DLGAP3: variants seen among roughly 807,000 people sequenced by gnomAD.
DLGAP3 encodes the protein DLG associated protein 3.
Under a neutral mutation model 81.2 loss-of-function variants are expected in DLGAP3, and 17 were observed. The observed-to-expected ratio is 0.21, with a 90% confidence interval of 0.14 to 0.31. The LOEUF (loss-of-function observed/expected upper bound fraction) is 0.31. DLGAP3 is among the 10% of genes least tolerant of loss of function. The pLI is 1.00. For missense variants in DLGAP3, 1,124 were observed against 1,388.0 expected (o/e 0.81, Z 3.02); for synonymous variants, 577 against 587.4 (o/e 0.98, Z 0.26).
In DLGAP3 at chr1:34,873,813, CTGGTTGGTTGGTTGGTTGGT is replaced by C. The variant is rs149504598; in HGVS notation, c.2001-4744_2001-4725del. 9.1e-4 allele frequency among the ~76,000 whole-genome samples: 138 copies of C among 151,110 alleles called. 1 individual carries two copies. Among genetic ancestry groups the C allele is most frequent in the Admixed American group, 2.2e-3 (34 of 15,184 alleles). On this transcript the variant is annotated intron_variant, in intron 8 of 11. Transcript: ENST00000373347. This position sits in a 1 kb window ranked among gnomAD's most constrained non-coding sequence, Gnocchi z 4.2. ...TCACTAAATAGGGCAGTTCATCACA[CTGGTTGGTTGGTTGGTTGGT>C]TGGTTGGTTGGTTGGTTGGAAGGAA...
At chr1:34,870,691 T>C (rs1485134901) in intron 8 of DLGAP3, among the ~76,000 whole-genome samples, 1 of 152,144 alleles carries the variant, frequency 6.6e-6, no homozygotes, top group Non-Finnish European at 1.5e-5. Context: ...CATATCCTCA[T>C]TGCCTCCCAC....
Position 34,905,405 on chromosome 1 carries a change from T to A in DLGAP3, c.-22A>T, listed in dbSNP as rs142723687. 9.7e-6 allele frequency: 15 copies of A among 1,545,758 alleles called. No individual in the cohort carries two copies. Among genetic ancestry groups the A allele is most frequent in the Non-Finnish European group, 1.3e-5 (15 of 1,144,528 alleles). On this transcript the variant is annotated 5_prime_UTR_variant, in exon 3 of 12. An upstream start codon of the reference 5' UTR is lost. Transcript: ENST00000373347. ...TCATGGCCTCAGCAAAGGCTCTTCA[T>A]AGTCTTGGGGGCCAGGCCCCAGGAA... is the stretch of plus-strand genomic sequence containing the variant.
At position 34,925,450 on chromosome 1, in the gene DLGAP3, C is replaced by T. The variant is rs753600473; in HGVS notation, c.-135+4001G>A. 5 of 152,682 alleles carry T rather than the reference C, an allele frequency of 3.3e-5. No homozygotes were observed. In the East Asian group the frequency reaches 9.7e-4, roughly 30 times the overall value. The allele number at this position is 152,682 out of a possible 1,614,324, so 9.5% of individuals were successfully genotyped here. A position where few individuals can be genotyped will look rare whatever the true frequency, so the allele number is the denominator to read the frequency against. On this transcript the variant is annotated intron_variant, in intron 1 of 11. Coordinates refer to ENST00000373347, the MANE Select transcript of DLGAP3 (RefSeq NM_001080418.3). Reference sequence around the variant, plus strand: ...GTAGCTCCCCACACCCTGTTCTGAGCCCCCTTTCTGAAGGAGCCAGCTCCC... The same window carrying T: ...GTAGCTCCCCACACCCTGTTCTGAGTCCCCTTTCTGAAGGAGCCAGCTCCC...
chr1:34,871,942 C>T (rs1205187709), intron 8 of DLGAP3, among the ~76,000 whole-genome samples: 2 of 152,164 alleles, frequency 1.3e-5, no homozygotes, highest in African/African-American at 4.8e-5. Flanking sequence ...AAGCACAGTC[C>T]TCACCAACGC....
At position 34,904,510 on chromosome 1, in the gene DLGAP3, G is replaced by C; in HGVS notation, c.874C>G (p.Pro292Ala). ...EPGGPFCLEG[P>A]DGSYRDLSFK... is the part of the protein sequence containing the mutation. ...CTCAAGTCCCGGTAGGACCCATCTG[G>C]ACCCTCCAGGCAGAAGGGACCACCA... Residue 292 changes from proline (P) to alanine (A), a missense_variant, in exon 3 of 12, where the codon CCA becomes GCA. This residue lies in a region of DLGAP3 where 357 missense variants were observed against 408.8 expected (regional missense o/e 0.87). Coordinates refer to ENST00000373347, the MANE Select transcript of DLGAP3 (RefSeq NM_001080418.3). This position sits in a 1 kb window ranked among gnomAD's most constrained non-coding sequence, Gnocchi z 8.1. The C allele has an allele frequency of 6.2e-7, 1 of 1,614,190 alleles. No homozygotes were observed. The highest frequency in any genetic ancestry group is 8.5e-7 in the Non-Finnish European group (1 of 1,180,030).
Position 34,865,899 on chromosome 1 carries a change from G to A in DLGAP3, c.*184C>T, listed in dbSNP as rs1447548837. 1 of 686,024 alleles carries A rather than the reference G, an allele frequency of 1.5e-6. No individual in the cohort carries two copies. The highest frequency in any genetic ancestry group is 1.8e-5 in the African/African-American group (1 of 55,082). The allele number at this position is 686,024 out of a possible 1,614,324, so 42.5% of individuals were successfully genotyped here. ...AGGCACGGCCCCCTGCCCAGCCCGG[G>A]CGCCTTCGCGTGGGATCAGGAAGGT... On this transcript the variant is annotated 3_prime_UTR_variant, in exon 12 of 12. Coordinates refer to ENST00000373347, the MANE Select transcript of DLGAP3 (RefSeq NM_001080418.3).
chr1:34,880,933 A>T (rs914834332), intron 8 of DLGAP3, among the ~76,000 whole-genome samples: 3 of 152,190 alleles, frequency 2.0e-5, no homozygotes, highest in African/African-American at 7.2e-5. Flanking sequence ...TCCTATCCCC[A>T]AAAGGCATCA....
chr1:34,922,575 T>C (rs1332135278), intron 1 of DLGAP3, among the ~76,000 whole-genome samples: 1 of 152,130 alleles, frequency 6.6e-6, no homozygotes, highest in Non-Finnish European at 1.5e-5. Flanking sequence ...AGTAATTTCC[T>C]TCACATTCAC....
intron 7 of DLGAP3, 36 bp downstream of exon 7, chr1:34,885,442 G>T: frequency 1.9e-6 from 3 of 1,601,134 alleles, no homozygotes. Context: ...GACCGACCAG[G>T]GTCAGAGCCC....
At chr1:34,918,065 G>A (rs1177673551) in intron 1 of DLGAP3, among the ~76,000 whole-genome samples, 1 of 152,224 alleles carries the variant, frequency 6.6e-6, no homozygotes, top group African/African-American at 2.4e-5. Flanking sequence ...GGAGGGGCTT[G>A]GGAAATGAGG....
At chr1:34,903,009 C>T (rs1238976665) in intron 3 of DLGAP3, among the ~76,000 whole-genome samples, 2 of 152,148 alleles carry the variant, frequency 1.3e-5, no homozygotes, top group African/African-American at 4.8e-5. Flanking sequence ...TGCACTGTGG[C>T]CCTATGTGCT....
intron 5 of DLGAP3, among the ~76,000 whole-genome samples, chr1:34,894,143 A>G (rs963876386): frequency 6.6e-6 from 1 of 152,160 alleles, no homozygotes; most frequent in Non-Finnish European, 1.5e-5. Context: ...AGCCATGTTC[A>G]CACCACTACC....
intron 6 of DLGAP3, 96 bp downstream of exon 6, chr1:34,885,976 T>A: frequency 7.6e-7 from 1 of 1,316,990 alleles, no homozygotes; most frequent in Non-Finnish European, 1.0e-6. Flanking sequence ...GCGAGCGATC[T>A]GCGCGGGTCA....
Position 34,868,663 on chromosome 1 carries a change from C to T in DLGAP3, c.2427G>A (p.Leu809=). The T allele has an allele frequency of 6.2e-7, 1 of 1,612,920 alleles. No homozygotes were observed. The highest frequency in any genetic ancestry group is 8.5e-7 in the Non-Finnish European group (1 of 1,180,030). Residue 809 remains leucine (L), a synonymous_variant, in exon 9 of 12, where the codon CTG becomes CTA. Transcript: ENST00000373347. The surrounding 1 kb of genome is among the most constrained non-coding windows in gnomAD (Gnocchi z 7.5). The part of the protein sequence containing the change: ...IKMLRAEVEK[L]EHWCQQMERE... ...GCTCCATCTGCTGGCACCAGTGCTC[C>T]AGCTTCTCCACCTCTGCCCGCAGCA...
rs1329989010 is a variant in DLGAP3, at chr1:34,895,830, A to G, written c.1386+3839T>C. Among the ~76,000 whole-genome samples the G allele has an allele frequency of 1.3e-5, 2 of 152,168 alleles. No individual in the cohort carries two copies. The highest frequency in any genetic ancestry group is 2.9e-5 in the Non-Finnish European group (2 of 68,032). ...GGGGCCAAGAAATTTCAATGAGGAC[A>G]TAAAAGCCTTTTCAACAAATGATGC... On this transcript the variant is annotated intron_variant, in intron 5 of 11. Coordinates refer to ENST00000373347, the MANE Select transcript of DLGAP3 (RefSeq NM_001080418.3). This position sits in a 1 kb window ranked among gnomAD's most constrained non-coding sequence, Gnocchi z 4.5.
At chr1:34,921,407 T>C (rs918237700) in intron 1 of DLGAP3, among the ~76,000 whole-genome samples, 3 of 152,150 alleles carry the variant, frequency 2.0e-5, no homozygotes, top group African/African-American at 7.2e-5. Flanking sequence ...AAACCTCAAC[T>C]CAAAAGCCTC....
intron 1 of DLGAP3, among the ~76,000 whole-genome samples, chr1:34,924,253 A>G (rs1282683638): frequency 6.6e-6 from 1 of 152,130 alleles, no homozygotes; most frequent in Non-Finnish European, 1.5e-5. Context: ...CTCCATTTGA[A>G]TATTTTTTAC....
rs1263567754 is a variant in DLGAP3, at chr1:34,868,584, T to G, written c.2485+21A>C. The G allele has an allele frequency of 6.2e-7, 1 of 1,602,074 alleles. No individual in the cohort carries two copies. The highest frequency in any genetic ancestry group is 2.2e-5 in the East Asian group (1 of 44,830). ...GAGGCCATGGTCCCCAGAGTCCCCT[T>G]GTTCCGATGCCGTGACTCACTCTCC... On this transcript the variant is annotated intron_variant, in intron 9 of 11. Transcript: ENST00000373347. The surrounding 1 kb of genome is among the most constrained non-coding windows in gnomAD (Gnocchi z 7.5).
chr1:34,907,910 C>G (rs1046741767), intron 1 of DLGAP3, among the ~76,000 whole-genome samples: 3 of 152,178 alleles, frequency 2.0e-5, no homozygotes, highest in Non-Finnish European at 4.4e-5. Context: ...TAACTCTTCC[C>G]TCCTCCTAGA....
Sources: gnomAD v4.1 joint callset for allele counts (sites outside exome capture counted in the v4.1 genomes callset) on GRCh38, gnomAD v4.1.1 for gene constraint, gnomAD v4.1.1 regional missense constraint, Gnocchi (gnomAD v3.1) non-coding constraint, MANE v1.5 for transcripts, NCBI Gene and HGNC (gene_info 2026-07-23, HGNC 2026-07-21) for gene names.